The following ADAMTSL1 variants were observed in gnomAD, a reference collection of about 807,000 sequenced individuals.
The protein encoded by ADAMTSL1 is ADAMTS-like protein 1.
Under a neutral mutation model 201.8 loss-of-function variants are expected in ADAMTSL1, and 126 were observed. That is an observed-to-expected ratio of 0.62 (90% CI 0.54 to 0.72). The LOEUF (loss-of-function observed/expected upper bound fraction) is 0.72. ADAMTSL1 is among the 30% of genes least tolerant of loss of function. The pLI is 0.00. For missense variants in ADAMTSL1, 2,679 were observed against 2,277.8 expected, an observed-to-expected ratio of 1.18 and a Z score of -3.59; for synonymous variants, 1,121 against 903.4, an observed-to-expected ratio of 1.24 and a Z score of -4.32.
chr9:18,044,363 A>C (rs961854147), intron 1 of ADAMTSL1, among the ~76,000 whole-genome samples: 53 of 152,118 alleles, frequency 3.5e-4, no homozygotes, highest in African/African-American at 1.3e-3. Context: ...ACAGAGGCAG[A>C]GAAGGTGGTG....
At chr9:18,107,274 C>G (rs566658077) in intron 1 of ADAMTSL1, among the ~76,000 whole-genome samples, 11 of 152,268 alleles carry the variant, frequency 7.2e-5, no homozygotes, top group Admixed American at 4.6e-4. Flanking sequence ...TGGATGGCTC[C>G]TAATCCAGCA....
At chr9:18,698,349 T>A (rs1831693069) in intron 13 of ADAMTSL1, among the ~76,000 whole-genome samples, 1 of 152,142 alleles carries the variant, frequency 6.6e-6, no homozygotes, top group African/African-American at 2.4e-5. Context: ...GGCATGATGA[T>A]CTCGGCTCAC....
At position 18,239,436 on chromosome 9, in the gene ADAMTSL1, G is replaced by C. The variant is rs141762798; in HGVS notation, c.207+75455G>C. Among the ~76,000 whole-genome samples, 10 of 152,214 alleles carry C rather than the reference G, an allele frequency of 6.6e-5. No individual in the cohort carries two copies. In the East Asian group the frequency reaches 1.9e-3, roughly 29 times the overall value. On this transcript the variant is annotated intron_variant, in intron 2 of 29. Transcript: ENST00000680146. ...AGCATCTTCACCAGGAGTAGATTCT[G>C]TTTCAAGAAACCCACTATCTGGCTG...
intron 28 of ADAMTSL1, 105 bp from the exon 29 acceptor site, chr9:18,908,337 C>G (rs1022481590): frequency 2.2e-6 from 2 of 928,906 alleles, no homozygotes; most frequent in Admixed American, 4.0e-5. Context: ...AGGATGTACC[C>G]CAGTGGCTGA....
intron 2 of ADAMTSL1, among the ~76,000 whole-genome samples, chr9:18,392,820 T>C (rs1379128026): frequency 6.6e-6 from 1 of 152,224 alleles, no homozygotes; most frequent in Non-Finnish European, 1.5e-5. Flanking sequence ...ATCAGCCTTC[T>C]TTCCTTTTCT....
chr9:18,574,301 G>C, intron 4 of ADAMTSL1, 35 bp downstream of exon 4: 1 of 1,568,000 alleles, frequency 6.4e-7, no homozygotes, highest in Non-Finnish European at 8.8e-7. Flanking sequence ...AACTTGTCCA[G>C]AGGGTTTCAA....
At chr9:18,596,851 C>T (rs994426132) in intron 4 of ADAMTSL1, among the ~76,000 whole-genome samples, 1 of 152,260 alleles carries the variant, frequency 6.6e-6, no homozygotes, top group Non-Finnish European at 1.5e-5. Context: ...GTTTTGAAGA[C>T]GTAGACAAGG....
At chr9:18,485,372 C>G (rs1423406052) in intron 1 of ADAMTSL1, among the ~76,000 whole-genome samples, 3 of 152,180 alleles carry the variant, frequency 2.0e-5, no homozygotes, top group African/African-American at 7.2e-5. Context: ...TTCTATGTGT[C>G]AACACATACT....
chr9:18,111,224 G>C (rs1824992869), intron 1 of ADAMTSL1, among the ~76,000 whole-genome samples: 1 of 152,144 alleles, frequency 6.6e-6, no homozygotes, highest in Non-Finnish European at 1.5e-5. Flanking sequence ...ATAATGACAA[G>C]AGTTATTTTA....
At chr9:18,469,599 T>C (rs1774792101), upstream of ADAMTSL1, among the ~76,000 whole-genome samples, 1 of 152,232 alleles carries the variant, frequency 6.6e-6, no homozygotes, top group East Asian at 1.9e-4. Flanking sequence ...TGCTGCTGAA[T>C]GGAAAAGCTG....
At chr9:18,122,886 G>C (rs1166525588) in intron 1 of ADAMTSL1, among the ~76,000 whole-genome samples, 1 of 152,000 alleles carries the variant, frequency 6.6e-6, no homozygotes, top group East Asian at 1.9e-4. Flanking sequence ...CTATTGGTGT[G>C]TACCTCCACA....
In ADAMTSL1 at chr9:18,176,808, C is replaced by T. The variant is rs888266982; in HGVS notation, c.207+12827C>T. ...TGTTGGGATATTTTTGTTTTTAGGT[C>T]AGCTCACTGGGATAATGGCAAAGTA... is the stretch of plus-strand genomic sequence containing the variant. On this transcript the variant is annotated intron_variant, in intron 2 of 29. Transcript: ENST00000680146. Among the ~76,000 whole-genome samples the T allele has an allele frequency of 7.2e-5, 11 of 152,196 alleles. 1 individual carries two copies. Among genetic ancestry groups the T allele is most frequent in the South Asian group, 4.2e-4 (2 of 4,816 alleles).
chr9:18,184,424 A>AT lies in ADAMTSL1; in HGVS notation c.207+20452dup, dbSNP rs35136360. On this transcript the variant is annotated intron_variant, in intron 2 of 29. Transcript: ENST00000680146. ...TTTCCTACACAAAACTTTTACAAGA[A>AT]TTTTTTTTTAATCACCAGTATCAAA... 4.0e-5 allele frequency among the ~76,000 whole-genome samples: 6 copies of AT among 151,872 alleles called. No individual in the cohort carries two copies. The South Asian group carries it at 6.2e-4, about 16-fold the overall frequency.
At chr9:17,914,572 A>G (rs939365812) in intron 1 of ADAMTSL1, among the ~76,000 whole-genome samples, 58 of 151,090 alleles carry the variant, frequency 3.8e-4, no homozygotes, top group African/African-American at 1.4e-3. Context: ...ATCATACTGA[A>G]TGGGCAAAAA....
intron 4 of ADAMTSL1, among the ~76,000 whole-genome samples, chr9:18,614,429 T>A (rs34263425): frequency 0.28 from 42,066 of 152,104 alleles, 5,982 homozygotes; most frequent in Middle Eastern, 0.3. Flanking sequence ...CAAGTTGTGT[T>A]ATCTTTCTGT....
rs1370059755 is a variant in ADAMTSL1 at position 18,828,661 on chromosome 9, TATATATA to T, written c.4115-1181_4115-1175del. Among the ~76,000 whole-genome samples, 16 of 60,438 alleles carry T rather than the reference TATATATA, an allele frequency of 2.6e-4. 3 individuals are homozygous for T. Among genetic ancestry groups the T allele is most frequent in the South Asian group, 1.5e-3 (2 of 1,316 alleles). 39.6% of individuals were successfully genotyped at this position (60,438 alleles called of 152,430 possible). A position where few individuals can be genotyped will look rare whatever the true frequency, so the allele number is the denominator to read the frequency against. ...AAAAGGATTCTTTTGAAAGTATATT[TATATATA>T]TATATATATATATATATATATATAT... On this transcript the variant is annotated intron_variant, in intron 22 of 28. Coordinates refer to ENST00000380548, the MANE Select transcript of ADAMTSL1 (RefSeq NM_001040272.6).
intron 23 of ADAMTSL1, among the ~76,000 whole-genome samples, chr9:18,866,862 C>T (rs1209749476): frequency 6.6e-6 from 1 of 152,232 alleles, no homozygotes; most frequent in African/African-American, 2.4e-5. Flanking sequence ...TGTCTTTAAT[C>T]TCCTCTTGCT....
intron 2 of ADAMTSL1, among the ~76,000 whole-genome samples, chr9:18,247,752 AGG>A (rs1831318188): frequency 6.6e-6 from 1 of 152,108 alleles, no homozygotes; most frequent in South Asian, 2.1e-4. Context: ...GGCTAGACAG[AGG>A]GAGAGGCAGA....
intron 17 of ADAMTSL1, among the ~76,000 whole-genome samples, chr9:18,773,560 G>T (rs1302139683): frequency 2.0e-5 from 3 of 152,248 alleles, no homozygotes; most frequent in East Asian, 3.9e-4. Flanking sequence ...GAGCTGTTTT[G>T]GTTTAAGTTT....
Sources: allele counts gnomAD v4.1 joint callset (sites outside exome capture counted in the v4.1 genomes callset), GRCh38; gene constraint gnomAD v4.1.1; transcripts MANE v1.5; gene names NCBI Gene and HGNC (gene_info 2026-07-23, HGNC 2026-07-21).